Variants in KCNJ10 observed in about 807,000 individuals in gnomAD.
KCNJ10 encodes potassium inwardly rectifying channel subfamily J member 10.
In KCNJ10, 9 loss-of-function variants were observed where a neutral mutation model predicts 22.2. That is an observed-to-expected ratio of 0.40 (90% confidence interval 0.24 to 0.71). The LOEUF (loss-of-function observed/expected upper bound fraction) is 0.71, where lower values mean the gene tolerates loss of function less well. Ranked by LOEUF, KCNJ10 falls within the 30% of genes least tolerant of loss-of-function variation. The pLI is 0.35. For synonymous variants in KCNJ10, 184 were observed against 187.3 expected, an observed-to-expected ratio of 0.98 and a Z score of 0.15; for missense variants, 337 against 482.7, an observed-to-expected ratio of 0.70 and a Z score of 2.83.
intron 1 of KCNJ10, among the ~76,000 whole-genome samples, chr1:160,063,950 C>T (rs1301635690): frequency 6.6e-6 from 1 of 152,194 alleles, no homozygotes; most frequent in African/African-American, 2.4e-5. Context: ...TTTAAAGTCC[C>T]ATTTTATAGA....
chr1:160,061,444 A>G (rs1649190611), intron 1 of KCNJ10, among the ~76,000 whole-genome samples: 2 of 152,056 alleles, frequency 1.3e-5, no homozygotes, highest in Non-Finnish European at 2.9e-5. Flanking sequence ...AGTTATTCAC[A>G]TAGAGCTCAG....
intron 1 of KCNJ10, among the ~76,000 whole-genome samples, chr1:160,050,831 A>T (rs771238961): frequency 6.6e-6 from 1 of 151,978 alleles, no homozygotes; most frequent in Non-Finnish European, 1.5e-5. Flanking sequence ...GCCCCTGTGG[A>T]TTCCTTCATG....
chr1:160,068,287 A>AC (rs11455745), intron 1 of KCNJ10, among the ~76,000 whole-genome samples: 80,392 of 151,320 alleles, frequency 0.53, 21,653 homozygotes, highest in East Asian at 0.72. Flanking sequence ...CCCACTCCCC[A>AC]CCCACCCTCC....
At chr1:160,069,140 T>G (rs1282346779) in intron 1 of KCNJ10, among the ~76,000 whole-genome samples, 1 of 152,214 alleles carries the variant, frequency 6.6e-6, no homozygotes, top group Non-Finnish European at 1.5e-5. Flanking sequence ...CTCACTGGAA[T>G]TAAACTTCAA....
intron 1 of KCNJ10, among the ~76,000 whole-genome samples, chr1:160,059,726 T>C (rs1460896363): frequency 1.1e-4 from 17 of 152,184 alleles, no homozygotes; most frequent in Non-Finnish European, 2.9e-5. Flanking sequence ...AGGGATTCCT[T>C]TGAGGCCGCT....
At position 160,041,484 on chromosome 1, in the gene KCNJ10, C is replaced by T. The variant is rs748553015; in HGVS notation, c.1049G>A (p.Gly350Glu). The T allele has an allele frequency of 2.5e-6, 4 of 1,614,198 alleles. No homozygotes were observed. Among genetic ancestry groups the T allele is most frequent in the Non-Finnish European group, 3.4e-6 (4 of 1,180,028 alleles). Residue 350 changes from glycine (G) to glutamate (E), a missense_variant, in exon 2 of 2, where the codon GGA becomes GAA. Transcript: ENST00000644903. The surrounding 1 kb of genome is among the most constrained non-coding windows in gnomAD (Gnocchi z 4.4). ...SGLRDSTVRY[G>E]DPEKLKLEES... ...CTCCAACTTGAGCTTTTCAGGGTCT[C>T]CGTAGCGTACAGTGCTGTCACGGAG...
At chr1:160,060,591 A>G (rs1374061216) in intron 1 of KCNJ10, among the ~76,000 whole-genome samples, 1 of 152,172 alleles carries the variant, frequency 6.6e-6, no homozygotes, top group African/African-American at 2.4e-5. Flanking sequence ...TGAGCAAACC[A>G]ATATCAGCTT....
intron 1 of KCNJ10, among the ~76,000 whole-genome samples, chr1:160,063,815 G>A (rs966095520): frequency 6.6e-6 from 1 of 152,198 alleles, no homozygotes; most frequent in Non-Finnish European, 1.5e-5. Flanking sequence ...CTGCCTTCGG[G>A]ACAATGCGCA....
At chr1:160,055,187 G>A (rs1208228261) in intron 1 of KCNJ10, among the ~76,000 whole-genome samples, 1 of 152,142 alleles carries the variant, frequency 6.6e-6, no homozygotes, top group Non-Finnish European at 1.5e-5. Context: ...CCTAATAACA[G>A]TAAAAATAAC....
chr1:160,055,004 G>T (rs1211316940), intron 1 of KCNJ10, among the ~76,000 whole-genome samples: 1 of 152,126 alleles, frequency 6.6e-6, no homozygotes, highest in South Asian at 2.1e-4. Flanking sequence ...AGGGGGTGGG[G>T]CTCCCCAGTC....
intron 1 of KCNJ10, among the ~76,000 whole-genome samples, chr1:160,061,268 C>G (rs1315872156): frequency 6.6e-6 from 1 of 152,166 alleles, no homozygotes; most frequent in East Asian, 1.9e-4. Context: ...GACTTGCCAC[C>G]AGCTGCCTGG....
rs1221133060 is a variant in KCNJ10, at chr1:160,040,154, C to G, written c.*1239G>C. On this transcript the variant is annotated 3_prime_UTR_variant, in exon 2 of 2. Transcript: ENST00000644903. The stretch of plus-strand genomic sequence containing the variant: ...GCATTGCCTAATGAAATAGCTGGCA[C>G]TTTTCAGAAGGGCACTGGGAGGTGT... 5.1e-6 allele frequency: 1 copy of G among 195,528 alleles called. No individual in the cohort carries two copies. The highest frequency in any genetic ancestry group is 1.0e-5 in the Non-Finnish European group (1 of 96,976). The allele number at this position is 195,528 out of a possible 1,614,324, so 12.1% of individuals were successfully genotyped here.
chr1:160,040,430 A>G lies in KCNJ10; in HGVS notation c.*963T>C, dbSNP rs1175793459. 1 of 398,028 alleles carries G rather than the reference A, an allele frequency of 2.5e-6. No individual in the cohort carries two copies. The highest frequency in any genetic ancestry group is 3.6e-5 in the East Asian group (1 of 28,050). 24.7% of individuals were successfully genotyped at this position (398,028 alleles called of 1,614,324 possible). On this transcript the variant is annotated 3_prime_UTR_variant, in exon 2 of 2. Transcript: ENST00000644903. ...TCCCAAAGAGTTGGGGTTAAGGAAGAAGGATCTAGGCTGAGCAGGAAAGGA... is the reference window on the plus strand; with the variant it reads ...TCCCAAAGAGTTGGGGTTAAGGAAGGAGGATCTAGGCTGAGCAGGAAAGGA...
At chr1:160,067,398 C>T (rs1649345669) in intron 1 of KCNJ10, among the ~76,000 whole-genome samples, 1 of 152,240 alleles carries the variant, frequency 6.6e-6, no homozygotes, top group African/African-American at 2.4e-5. Context: ...ACCGAAGTGA[C>T]ATGGCAAACT....
intron 1 of KCNJ10, among the ~76,000 whole-genome samples, chr1:160,043,295 A>G (rs1183998807): frequency 2.6e-5 from 4 of 151,270 alleles, no homozygotes; most frequent in Admixed American, 6.6e-5. Context: ...ACACACACAC[A>G]CACACACACA....
chr1:160,055,095 C>T (rs1648997063), intron 1 of KCNJ10, among the ~76,000 whole-genome samples: 1 of 152,230 alleles, frequency 6.6e-6, no homozygotes, highest in Admixed American at 6.5e-5. Context: ...ACTCCTTTTA[C>T]TATTAGGTTG....
At chr1:160,058,232 T>A (rs1649088555) in intron 1 of KCNJ10, among the ~76,000 whole-genome samples, 1 of 152,182 alleles carries the variant, frequency 6.6e-6, no homozygotes, top group Non-Finnish European at 1.5e-5. Context: ...CCTCTGAGCT[T>A]CCCATTGAAG....
At chr1:160,056,085 A>G (rs1478860875) in intron 1 of KCNJ10, among the ~76,000 whole-genome samples, 2 of 151,858 alleles carry the variant, frequency 1.3e-5, no homozygotes, top group African/African-American at 4.8e-5. Flanking sequence ...CCCTCATCTG[A>G]TTGGTAACTA....
chr1:160,066,100 G>A (rs576021061), intron 1 of KCNJ10, among the ~76,000 whole-genome samples: 6 of 152,280 alleles, frequency 3.9e-5, no homozygotes, highest in South Asian at 2.1e-4. Flanking sequence ...TGTCTTGACC[G>A]ACAGAAGAAG....
Sources: allele counts gnomAD v4.1 joint callset (sites outside exome capture counted in the v4.1 genomes callset), GRCh38; gene constraint gnomAD v4.1.1; non-coding constraint Gnocchi (gnomAD v3.1); transcripts MANE v1.5; gene names NCBI Gene and HGNC (gene_info 2026-07-23, HGNC 2026-07-21).